Variants in GRIK3 observed in about 807,000 individuals in gnomAD.
GRIK3 encodes the protein glutamate ionotropic receptor kainate type subunit 3.
A neutral mutation model predicts 102.5 loss-of-function variants in GRIK3; 29 were observed. The observed-to-expected ratio is 0.28, with a 90% confidence interval of 0.21 to 0.39. GRIK3 has a LOEUF of 0.39. Among genes scored for constraint, GRIK3 ranks in the 10% least tolerant of loss-of-function variants. GRIK3 has a pLI of 1.00. For synonymous variants in GRIK3, 511 were observed against 504.9 expected, an observed-to-expected ratio of 1.01 and a Z score of -0.16; for missense variants, 908 against 1,252.4, an observed-to-expected ratio of 0.73 and a Z score of 4.15.
chr1:36,986,475 CAT>C (rs1164092190), intron 1 of GRIK3, among the ~76,000 whole-genome samples: 1,773 of 148,140 alleles, frequency 0.012, 28 homozygotes, highest in African/African-American at 0.044. Context: ...CCCATCCATC[CAT>C]CCATCCATCC....
At chr1:36,868,676 T>G (rs1461584976) in intron 5 of GRIK3, among the ~76,000 whole-genome samples, 1 of 152,244 alleles carries the variant, frequency 6.6e-6, no homozygotes, top group East Asian at 1.9e-4. Flanking sequence ...CTGCATACCA[T>G]GAAGAGCTAA....
In GRIK3 at chr1:36,890,462, T is replaced by TA. The variant is rs767944137; in HGVS notation, c.292+457dup. Among the ~76,000 whole-genome samples, 995 of 135,964 alleles carry TA rather than the reference T, an allele frequency of 7.3e-3. 10 individuals carry two copies. The highest frequency in any genetic ancestry group is 0.022 in the African/African-American group (821 of 36,868). 89.2% of individuals were successfully genotyped at this position (135,964 alleles called of 152,430 possible). A position where few individuals can be genotyped will look rare whatever the true frequency, so the allele number is the denominator to read the frequency against. ...CTGGGCAACAGAGTGAGACTCTGTC[T>TA]AAAAAAAAAAAAAAATGTCAGCAGT... On this transcript the variant is annotated intron_variant, in intron 2 of 15. Coordinates refer to ENST00000373091, the MANE Select transcript of GRIK3 (RefSeq NM_000831.4).
At chr1:36,912,669 G>A (rs989853074) in intron 1 of GRIK3, among the ~76,000 whole-genome samples, 2 of 152,070 alleles carry the variant, frequency 1.3e-5, no homozygotes, top group African/African-American at 2.4e-5. Context: ...GGGGGGCTGC[G>A]TTGTGCTGTG....
Position 36,962,025 on chromosome 1 carries a change from C to T in GRIK3, c.116-70929G>A, listed in dbSNP as rs528555150. On this transcript the variant is annotated intron_variant, in intron 1 of 15. Coordinates refer to ENST00000373091, the MANE Select transcript of GRIK3 (RefSeq NM_000831.4). ...ATGAAGGACCCCTGATCCAGACATG[C>T]TGGTGGGAAGACACAGAAAAATTCA... 1.5e-4 allele frequency among the ~76,000 whole-genome samples: 22 copies of T among 151,582 alleles called. No homozygotes were observed. The East Asian group carries it at 1.5e-3, about 11-fold the overall frequency.
chr1:36,894,286 C>T (rs1325229107), intron 1 of GRIK3, among the ~76,000 whole-genome samples: 1 of 152,156 alleles, frequency 6.6e-6, no homozygotes, highest in Non-Finnish European at 1.5e-5. Flanking sequence ...TTTTGTATTT[C>T]GTGTGCTTTT....
intron 10 of GRIK3, among the ~76,000 whole-genome samples, chr1:36,831,411 G>A (rs960201713): frequency 1.3e-5 from 2 of 152,172 alleles, no homozygotes; most frequent in African/African-American, 4.8e-5. Flanking sequence ...CATGCATACG[G>A]GACTATTCCC....
intron 1 of GRIK3, among the ~76,000 whole-genome samples, chr1:36,975,347 T>C (rs899355769): frequency 6.9e-6 from 1 of 144,724 alleles, no homozygotes; most frequent in Non-Finnish European, 1.5e-5. Flanking sequence ...CTCGAGTTAG[T>C]GCAGTGGCAC....
At chr1:36,983,390 C>T (rs537972905) in intron 1 of GRIK3, among the ~76,000 whole-genome samples, 1 of 152,256 alleles carries the variant, frequency 6.6e-6, no homozygotes, top group East Asian at 1.9e-4. Context: ...ACGGCACACT[C>T]CCACATGCAT....
At chr1:36,860,068 T>C (rs1570765360) in intron 5 of GRIK3, 51 bp from the exon 6 acceptor site, 1 of 1,416,600 alleles carries the variant, frequency 7.1e-7, no homozygotes, top group Admixed American at 2.2e-5. Flanking sequence ...TGCTGAGAAC[T>C]CCAGCCCCGC....
At chr1:37,023,050 C>T (rs1217206996) in intron 1 of GRIK3, among the ~76,000 whole-genome samples, 6 of 152,084 alleles carry the variant, frequency 3.9e-5, no homozygotes, top group Admixed American at 2.0e-4. Flanking sequence ...GAGTGCCGGC[C>T]GGGTGCAGTG....
intron 1 of GRIK3, among the ~76,000 whole-genome samples, chr1:36,960,357 G>T (rs1350711071): frequency 1.3e-5 from 2 of 152,174 alleles, no homozygotes; most frequent in Non-Finnish European, 2.9e-5. Flanking sequence ...TGCCCCATGA[G>T]CTTGTGTGCC....
chr1:36,893,677 G>C (rs1298923814), intron 1 of GRIK3, among the ~76,000 whole-genome samples: 1 of 152,176 alleles, frequency 6.6e-6, no homozygotes, highest in Non-Finnish European at 1.5e-5. Context: ...CCTGTGACTC[G>C]GGAATTTGAT....
intron 1 of GRIK3, among the ~76,000 whole-genome samples, chr1:36,943,821 G>T (rs1405640253): frequency 6.6e-6 from 1 of 152,220 alleles, no homozygotes; most frequent in Non-Finnish European, 1.5e-5. Context: ...ACTCTCTAGG[G>T]AGAAGCCCTG....
intron 8 of GRIK3, among the ~76,000 whole-genome samples, chr1:36,851,614 T>C (rs932806467): frequency 9.9e-5 from 15 of 152,234 alleles, no homozygotes; most frequent in African/African-American, 3.6e-4. Context: ...CTCTGTTAGA[T>C]ACCAGGTGCT....
chr1:36,824,346 T>TA (rs796516327), intron 11 of GRIK3, among the ~76,000 whole-genome samples: 4 of 152,268 alleles, frequency 2.6e-5, no homozygotes, highest in African/African-American at 9.6e-5. Flanking sequence ...AAAGGCTTGT[T>TA]AGACCATTAG....
rs571088041 is a variant in GRIK3, at chr1:36,884,775, C to A, written c.293-3884G>T. Among the ~76,000 whole-genome samples the A allele has an allele frequency of 2.0e-5, 3 of 152,278 alleles. No homozygotes were observed. In the East Asian group the frequency reaches 5.8e-4, roughly 29 times the overall value. On this transcript the variant is annotated intron_variant, in intron 2 of 15. Coordinates refer to ENST00000373091, the MANE Select transcript of GRIK3 (RefSeq NM_000831.4). Reference sequence around the variant, plus strand: ...GGTTGAATGATTTGAATGTCTCATTCCCTCCCACCACCACCTCTACGCATC... The same window carrying A: ...GGTTGAATGATTTGAATGTCTCATTACCTCCCACCACCACCTCTACGCATC...
chr1:37,012,903 G>T (rs1424201786), intron 1 of GRIK3, among the ~76,000 whole-genome samples: 1 of 152,176 alleles, frequency 6.6e-6, no homozygotes, highest in Non-Finnish European at 1.5e-5. Context: ...AAGTCAAAGA[G>T]AATTCCACTA....
chr1:36,984,227 A>G (rs558671279), intron 1 of GRIK3, among the ~76,000 whole-genome samples: 1 of 152,230 alleles, frequency 6.6e-6, no homozygotes, highest in East Asian at 1.9e-4. Context: ...CTCTCATGAC[A>G]TCATACCCAG....
intron 1 of GRIK3, among the ~76,000 whole-genome samples, chr1:36,987,323 G>A (rs1557453323): frequency 1.3e-5 from 2 of 152,140 alleles, no homozygotes; most frequent in African/African-American, 4.8e-5. Context: ...CTGCTCAGCA[G>A]AGCTCCCCAG....
Sources: gnomAD v4.1 joint callset for allele counts (sites outside exome capture counted in the v4.1 genomes callset) on GRCh38, gnomAD v4.1.1 for gene constraint, MANE v1.5 for transcripts, NCBI Gene and HGNC (gene_info 2026-07-23, HGNC 2026-07-21) for gene names.